TRPS1: variants seen among roughly 807,000 people sequenced by gnomAD.
TRPS1 encodes zinc finger transcription factor Trps1.
Under a neutral mutation model 101.2 loss-of-function variants are expected in TRPS1, and 6 were observed. That is an observed-to-expected ratio of 0.06 (90% CI 0.03 to 0.12). TRPS1 has a LOEUF of 0.12. Among genes scored for constraint, TRPS1 ranks in the 10% least tolerant of loss-of-function variants. The probability of loss-of-function intolerance (pLI) is 1.00; values close to 1 mark genes in which losing one functional copy is unlikely to be tolerated. For missense variants in TRPS1, 1,363 were observed against 1,567.0 expected (o/e 0.87, Z 2.20); for synonymous variants, 578 against 589.8 (o/e 0.98, Z 0.29).
At position 115,414,548 on chromosome 8, in the gene TRPS1, T is replaced by TTCACTC; in HGVS notation, c.3354_3359dup (p.Ser1119_Glu1120dup). ...TACTCCAGAACCGCAGCCAATCAGCTTCACTCTGGAAGTCATTATGTACAA... is the reference window on the plus strand; with the variant it reads ...TACTCCAGAACCGCAGCCAATCAGCTTCACTCTCACTCTGGAAGTCATTATGTACAA... On this transcript the variant is annotated inframe_insertion, in exon 7 of 7. Transcript: ENST00000395715. The surrounding 1 kb of genome is among the most constrained non-coding windows in gnomAD (Gnocchi z 4.8). 1.2e-6 allele frequency: 2 copies of TTCACTC among 1,613,928 alleles called. No homozygotes were observed. The highest frequency in any genetic ancestry group is 1.7e-6 in the Non-Finnish European group (2 of 1,179,938).
chr8:115,469,828 C>A (rs1814421228), intron 5 of TRPS1, among the ~76,000 whole-genome samples: 1 of 152,190 alleles, frequency 6.6e-6, no homozygotes, highest in East Asian at 1.9e-4. Context: ...CGTGCCCAGC[C>A]TGGTTTGTTT....
chr8:115,433,020 T>C (rs1813360225), intron 5 of TRPS1, among the ~76,000 whole-genome samples: 1 of 152,032 alleles, frequency 6.6e-6, no homozygotes, highest in African/African-American at 2.4e-5. Flanking sequence ...GCAAGTCATT[T>C]TGAAACTCAG....
At chr8:115,492,313 G>A (rs1815043648) in intron 5 of TRPS1, 1 of 453,108 alleles carries the variant, frequency 2.2e-6, no homozygotes, top group Admixed American at 2.4e-5. Flanking sequence ...TATGTTTTCA[G>A]GAGTTAATTA....
intron 5 of TRPS1, among the ~76,000 whole-genome samples, chr8:115,530,814 GCAAACTA>G (rs1453256044): frequency 1.3e-5 from 2 of 151,982 alleles, no homozygotes; most frequent in African/African-American, 2.4e-5. Flanking sequence ...ATCATTCTCA[GCAAACTA>G]TCTCAAGGAC....
chr8:115,553,525 G>A (rs1384966422), intron 5 of TRPS1, among the ~76,000 whole-genome samples: 3 of 152,020 alleles, frequency 2.0e-5, no homozygotes, highest in African/African-American at 7.2e-5. Context: ...AACCATTATT[G>A]CTGCTTATCG....
chr8:115,596,939 T>A (rs1044308037), intron 4 of TRPS1, among the ~76,000 whole-genome samples: 1 of 151,938 alleles, frequency 6.6e-6, no homozygotes, highest in African/African-American at 2.4e-5. Context: ...ATTATTCTTA[T>A]AAGATTCATT....
At position 115,574,741 on chromosome 8, in the gene TRPS1, C is replaced by CATATATAT. The variant is rs3071227; in HGVS notation, c.2700+12252_2700+12259dup. ...AAATGTTTTGAAGGCAGTTAAATCC[C>CATATATAT]ATATATATATATAACTTTATAAGTG... On this transcript the variant is annotated intron_variant, in intron 5 of 6. Transcript: ENST00000395715. Among the ~76,000 whole-genome samples the CATATATAT allele has an allele frequency of 1.3e-4, 20 of 150,506 alleles. No individual in the cohort carries two copies. In the East Asian group the frequency reaches 3.9e-3, roughly 29 times the overall value.
chr8:115,599,013 G>A (rs1817849692), intron 4 of TRPS1, among the ~76,000 whole-genome samples: 1 of 151,984 alleles, frequency 6.6e-6, no homozygotes, highest in Non-Finnish European at 1.5e-5. Context: ...TCTTTCATTG[G>A]TTCTAGAAAA....
intron 5 of TRPS1, among the ~76,000 whole-genome samples, chr8:115,491,573 T>A (rs1234948342): frequency 1.3e-5 from 2 of 151,886 alleles, no homozygotes; most frequent in African/African-American, 2.4e-5. Context: ...TGAGATTACT[T>A]AAGCCCAGGA....
At chr8:115,655,991 C>T (rs1472447971) in intron 1 of TRPS1, among the ~76,000 whole-genome samples, 2 of 152,080 alleles carry the variant, frequency 1.3e-5, no homozygotes, top group African/African-American at 4.8e-5. Context: ...CACATTTCTA[C>T]CGGTGGAGAC....
At chr8:115,583,660 T>C (rs1295803627) in intron 5 of TRPS1, among the ~76,000 whole-genome samples, 4 of 151,972 alleles carry the variant, frequency 2.6e-5, no homozygotes, top group Non-Finnish European at 5.9e-5. Context: ...GTGTGATTAA[T>C]ATGCAAAAAA....
Position 115,409,246 on chromosome 8 carries a change from C to A in TRPS1, c.*4777G>T, listed in dbSNP as rs1812726324. 1.3e-5 allele frequency: 1 copy of A among 78,434 alleles called. No homozygotes were observed. The highest frequency in any genetic ancestry group is 5.6e-5 in the African/African-American group (1 of 17,962). The allele number at this position is 78,434 out of a possible 1,614,324, so 4.9% of individuals were successfully genotyped here. On this transcript the variant is annotated 3_prime_UTR_variant, in exon 7 of 7. Coordinates refer to ENST00000395715, the MANE Select transcript of TRPS1 (RefSeq NM_014112.5). ...CACAAAAAGAAAAAGTGATATGCTG[C>A]AGTTTATATGTTGGGAAAAAAAAAA...
In TRPS1 at chr8:115,550,323, T is replaced by G. The variant is rs1214954930; in HGVS notation, c.2700+36678A>C. ...AAAGAGGGGCAGCTGTGGGCTATGA[T>G]GCCAAAGCATTCCAGCTCTTAAGTC... On this transcript the variant is annotated intron_variant, in intron 5 of 6. Transcript: ENST00000395715. Among the ~76,000 whole-genome samples the G allele has an allele frequency of 3.3e-5, 5 of 152,160 alleles. 1 individual carries two copies. Among genetic ancestry groups the G allele is most frequent in the Non-Finnish European group, 7.3e-5 (5 of 68,032 alleles).
chr8:115,552,408 T>C (rs891654343), intron 5 of TRPS1, among the ~76,000 whole-genome samples: 1 of 152,202 alleles, frequency 6.6e-6, no homozygotes, highest in Middle Eastern at 3.2e-3. Context: ...TTCTGATCTG[T>C]TGTTTACTCC....
chr8:115,547,273 C>T (rs1816597088), intron 5 of TRPS1, among the ~76,000 whole-genome samples: 1 of 152,114 alleles, frequency 6.6e-6, no homozygotes, highest in Admixed American at 6.6e-5. Flanking sequence ...ACTCAATTCT[C>T]TCTCTCTGTC....
chr8:115,563,731 A>T (rs2130375566), intron 5 of TRPS1, among the ~76,000 whole-genome samples: 1 of 152,196 alleles, frequency 6.6e-6, no homozygotes, highest in South Asian at 2.1e-4. Flanking sequence ...TACTCACTTT[A>T]AGTTCCCAAG....
In TRPS1 at chr8:115,614,454, G is replaced by T. The variant is rs76613630; in HGVS notation, c.966+4678C>A. Among the ~76,000 whole-genome samples, 1,245 of 152,308 alleles carry T rather than the reference G, an allele frequency of 8.2e-3. 15 individuals are homozygous for T. The highest frequency in any genetic ancestry group is 0.027 in the African/African-American group (1,126 of 41,552). ...GGTAAAGGGATTAGTAATGATAGTT[G>T]AACTATTCTACTAGGGTGGCTACAT... On this transcript the variant is annotated intron_variant, in intron 3 of 6. Transcript: ENST00000395715.
chr8:115,512,175 C>A (rs1815602134), intron 5 of TRPS1, among the ~76,000 whole-genome samples: 1 of 151,574 alleles, frequency 6.6e-6, no homozygotes, highest in Admixed American at 6.6e-5. Context: ...CAAACAAGAA[C>A]TCAGCATGAG....
At chr8:115,628,330 GA>G (rs1312452750) in intron 1 of TRPS1, among the ~76,000 whole-genome samples, 1 of 151,734 alleles carries the variant, frequency 6.6e-6, no homozygotes, top group African/African-American at 2.4e-5. Context: ...AAGGGATTTA[GA>G]AATTTGGTAC....
Sources: gnomAD v4.1 joint callset for allele counts (sites outside exome capture counted in the v4.1 genomes callset) on GRCh38, gnomAD v4.1.1 for gene constraint, Gnocchi (gnomAD v3.1) non-coding constraint, MANE v1.5 for transcripts, NCBI Gene and HGNC (gene_info 2026-07-23, HGNC 2026-07-21) for gene names.